Variants in GLDN observed in about 807,000 individuals in gnomAD.
GLDN encodes the protein collomin.
In GLDN, 47 loss-of-function variants were observed where a neutral mutation model predicts 56.5. The observed-to-expected ratio is 0.83, with a 90% CI of 0.66 to 1.06. The LOEUF (loss-of-function observed/expected upper bound fraction) is 1.06, where lower values mean the gene tolerates loss of function less well. Ranked by LOEUF, GLDN falls within the 50% of genes least tolerant of loss-of-function variation. The pLI, the probability that GLDN is intolerant of heterozygous loss-of-function variation, is 0.00. For synonymous variants in GLDN, 332 were observed against 278.8 expected, an observed-to-expected ratio of 1.19 and a Z score of -1.90; for missense variants, 782 against 714.3, an observed-to-expected ratio of 1.09 and a Z score of -1.08.
At chr15:51,400,316 A>T (rs1269796357) in intron 7 of GLDN, 41 bp downstream of exon 7, 6 of 1,613,890 alleles carry the variant, frequency 3.7e-6, no homozygotes, top group Non-Finnish European at 5.1e-6. Context: ...TCAGAAATTG[A>T]ATACCTTCAA....
At position 51,381,188 on chromosome 15, in the gene GLDN, G is replaced by A. The variant is rs559828679; in HGVS notation, c.416-2248G>A. On this transcript the variant is annotated intron_variant, in intron 2 of 9. Coordinates refer to ENST00000335449, the MANE Select transcript of GLDN (RefSeq NM_181789.4). ...GTGTCCTGAATATACAGCTTCAGCC[G>A]GGAGCTCTCACCAACAGTACTGATG... 1.2e-4 allele frequency among the ~76,000 whole-genome samples: 19 copies of A among 152,290 alleles called. No homozygotes were observed. The South Asian group carries it at 2.9e-3, about 23-fold the overall frequency.
chr15:51,341,851 G>A lies in GLDN; in HGVS notation c.167G>A (p.Gly56Asp). 6.5e-7 allele frequency: 1 copy of A among 1,529,080 alleles called. No individual in the cohort carries two copies. Among genetic ancestry groups the A allele is most frequent in the Non-Finnish European group, 8.7e-7 (1 of 1,146,708 alleles). The allele number at this position is 1,529,080 out of a possible 1,614,324, so 94.7% of individuals were successfully genotyped here. ...SALRALEAQR[G>D]REQREDSALR... ...CTGCGGGCTTTGGAGGCGCAGCGGG[G>A]CCGGGAGCAGCGCGAGGACAGTGCC... The change falls in exon 1 of 10, where the codon GGC becomes GAC. Residue 56 changes from glycine to aspartate, a missense_variant. Coordinates refer to ENST00000335449, the MANE Select transcript of GLDN (RefSeq NM_181789.4).
intron 1 of GLDN, among the ~76,000 whole-genome samples, chr15:51,371,321 T>C (rs2037511893): frequency 6.6e-6 from 1 of 152,242 alleles, no homozygotes; most frequent in Non-Finnish European, 1.5e-5. Context: ...CATTGAGCAT[T>C]TTTGTCCAGA....
At chr15:51,365,372 T>C (rs2037380204) in intron 1 of GLDN, among the ~76,000 whole-genome samples, 1 of 152,250 alleles carries the variant, frequency 6.6e-6, no homozygotes, top group Admixed American at 6.5e-5. Flanking sequence ...TTTTTGTGTA[T>C]AATACACGTT....
chr15:51,400,467 T>G lies in GLDN; in HGVS notation c.996T>G (p.Asp332Glu). Residue 332 changes from aspartate to glutamate, a missense_variant, in exon 8 of 10, where the codon GAT becomes GAG. Physicochemically the swap from Asp to Glu is conservative, Grantham distance 45 (BLOSUM62 2). Transcript: ENST00000335449. ...TWIRESANKSDDRIWVTEHFS... is the reference protein window; with the variant it reads ...TWIRESANKSEDRIWVTEHFS... ...TAAGAGAGTCTGCTAACAAGAGTGA[T>G]GACCGGATTTGGGTGACAGAGCATT... The G allele has an allele frequency of 6.2e-7, 1 of 1,614,184 alleles. No homozygotes were observed. Among genetic ancestry groups the G allele is most frequent in the East Asian group, 2.2e-5 (1 of 44,878 alleles).
chr15:51,352,075 G>T (rs2037086113), intron 1 of GLDN, among the ~76,000 whole-genome samples: 1 of 152,098 alleles, frequency 6.6e-6, no homozygotes, highest in African/African-American at 2.4e-5. Context: ...AGGCTAGGTA[G>T]CTTATAAATG....
chr15:51,405,175 A>G lies in GLDN; in HGVS notation c.*421A>G, dbSNP rs2038350305. 1 of 186,742 alleles carries G rather than the reference A, an allele frequency of 5.4e-6. No individual in the cohort carries two copies. The allele number at this position is 186,742 out of a possible 1,614,324, so 11.6% of individuals were successfully genotyped here. A position where few individuals can be genotyped will look rare whatever the true frequency, so the allele number is the denominator to read the frequency against. ...TTGAGTTGATAAGTCCAGTGGCTTG[A>G]GTAGTGAATCCCTCAGTGCTGACTT... On this transcript the variant is annotated 3_prime_UTR_variant, in exon 10 of 10. Transcript: ENST00000335449.
intron 4 of GLDN, among the ~76,000 whole-genome samples, chr15:51,387,454 G>C (rs1239737057): frequency 6.6e-6 from 1 of 152,116 alleles, no homozygotes; most frequent in Non-Finnish European, 1.5e-5. Flanking sequence ...GGCCAGATGA[G>C]AAGGGAGGGC....
chr15:51,373,126 G>C (rs1442822318), intron 1 of GLDN, among the ~76,000 whole-genome samples: 1 of 152,150 alleles, frequency 6.6e-6, no homozygotes, highest in Non-Finnish European at 1.5e-5. Context: ...TAGTACAGGA[G>C]ATGCAGACAA....
chr15:51,366,497 G>T (rs149751449), intron 1 of GLDN, among the ~76,000 whole-genome samples: 83 of 152,334 alleles, frequency 5.4e-4, no homozygotes, highest in African/African-American at 1.9e-3. Flanking sequence ...GTGCATTAAG[G>T]CACTTATCCG....
chr15:51,374,093 T>C (rs1468713985), intron 1 of GLDN, among the ~76,000 whole-genome samples: 1 of 152,210 alleles, frequency 6.6e-6, no homozygotes, highest in African/African-American at 2.4e-5. Flanking sequence ...TACTGGTAAA[T>C]ATCTCAATTG....
At chr15:51,372,511 G>T (rs1402354895) in intron 1 of GLDN, among the ~76,000 whole-genome samples, 1 of 152,044 alleles carries the variant, frequency 6.6e-6, no homozygotes, top group Non-Finnish European at 1.5e-5. Flanking sequence ...GAGCTCTCGG[G>T]GCTACTGCTT....
chr15:51,351,095 G>T, intron 1 of GLDN: 1 of 270,904 alleles, frequency 3.7e-6, no homozygotes, highest in South Asian at 4.5e-5. Flanking sequence ...AACAAAAGAT[G>T]ACACTTAAAA....
At chr15:51,343,682 C>T (rs1301164437) in intron 1 of GLDN, among the ~76,000 whole-genome samples, 1 of 152,180 alleles carries the variant, frequency 6.6e-6, no homozygotes, top group Non-Finnish European at 1.5e-5. Flanking sequence ...AACTCATCCC[C>T]CACCTGCAAT....
intron 6 of GLDN, among the ~76,000 whole-genome samples, chr15:51,398,964 G>A (rs944927537): frequency 3.3e-4 from 50 of 152,220 alleles, no homozygotes; most frequent in Middle Eastern, 3.2e-3. Flanking sequence ...GCAGGGGCTG[G>A]ATGCAGAGCA....
chr15:51,358,752 G>A (rs2037234718), intron 1 of GLDN, among the ~76,000 whole-genome samples: 1 of 152,042 alleles, frequency 6.6e-6, no homozygotes, highest in Non-Finnish European at 1.5e-5. Context: ...TGGATAACTG[G>A]GACCAATTTG....
At chr15:51,357,316 A>G (rs1321088745) in intron 1 of GLDN, among the ~76,000 whole-genome samples, 2 of 152,220 alleles carry the variant, frequency 1.3e-5, no homozygotes, top group African/African-American at 4.8e-5. Flanking sequence ...TGAGACCATG[A>G]ATCCTTCAAT....
intron 2 of GLDN, among the ~76,000 whole-genome samples, chr15:51,379,025 A>G (rs866355480): frequency 2.0e-4 from 31 of 152,216 alleles, no homozygotes; most frequent in Admixed American, 1.8e-3. Flanking sequence ...GCAGGCACTC[A>G]TAACTTGAGG....
intron 9 of GLDN, 49 bp downstream of exon 9, chr15:51,401,792 C>T: frequency 3.2e-6 from 5 of 1,569,502 alleles, no homozygotes; most frequent in Non-Finnish European, 4.3e-6. Flanking sequence ...AGCACCTGTG[C>T]TGTGGTGCTT....
Sources: allele counts gnomAD v4.1 joint callset (sites outside exome capture counted in the v4.1 genomes callset), GRCh38; gene constraint gnomAD v4.1.1; transcripts MANE v1.5; gene names NCBI Gene and HGNC (gene_info 2026-07-23, HGNC 2026-07-21).